The following ARHGAP15 variants were observed in gnomAD, a reference collection of about 807,000 sequenced individuals.
ARHGAP15 encodes the protein rho GTPase-activating protein 15.
In ARHGAP15, 51 loss-of-function variants were observed where a neutral mutation model predicts 63.7. That is an observed-to-expected ratio of 0.80 (90% CI 0.64 to 1.01). The LOEUF (loss-of-function observed/expected upper bound fraction) is 1.01. ARHGAP15 is among the 50% of genes least tolerant of loss of function. The pLI, the probability that ARHGAP15 is intolerant of heterozygous loss-of-function variation, is 0.00. For missense variants in ARHGAP15, 560 were observed against 564.6 expected, an observed-to-expected ratio of 0.99 and a Z score of 0.08; for synonymous variants, 191 against 193.8, an observed-to-expected ratio of 0.99 and a Z score of 0.12.
chr2:143,439,190 A>T (rs1689748798), intron 8 of ARHGAP15, among the ~76,000 whole-genome samples: 1 of 151,802 alleles, frequency 6.6e-6, no homozygotes, highest in Non-Finnish European at 1.5e-5. Context: ...TGGGAGGCCA[A>T]GGCGGGTGGA....
chr2:143,738,166 T>C (rs1685826605), intron 13 of ARHGAP15, among the ~76,000 whole-genome samples: 1 of 152,142 alleles, frequency 6.6e-6, no homozygotes, highest in Admixed American at 6.5e-5. Flanking sequence ...TAATATTCAC[T>C]AGCAGATGAA....
chr2:143,641,177 A>T (rs1276164385), intron 12 of ARHGAP15: 1 of 152,084 alleles, frequency 6.6e-6, no homozygotes, highest in African/African-American at 2.4e-5. Flanking sequence ...CAGATTGGGG[A>T]TTTCCCAATG....
chr2:143,533,146 GTGACAGGATGA>G (rs1694591960), intron 10 of ARHGAP15: 1 of 152,212 alleles, frequency 6.6e-6, no homozygotes, highest in South Asian at 2.1e-4. Context: ...ACTACCCTGA[GTGACAGGATGA>G]TGAGCAGGGG....
chr2:143,724,482 TAATC>T (rs1685196180), intron 13 of ARHGAP15, among the ~76,000 whole-genome samples: 1 of 152,198 alleles, frequency 6.6e-6, no homozygotes, highest in Non-Finnish European at 1.5e-5. Flanking sequence ...AAATTGTAAT[TAATC>T]CTTCCTCATA....
intron 2 of ARHGAP15, among the ~76,000 whole-genome samples, chr2:143,176,646 A>G (rs929597931): frequency 5.3e-5 from 8 of 152,204 alleles, no homozygotes; most frequent in Non-Finnish European, 1.0e-4. Flanking sequence ...GAACTAGTTT[A>G]GAAAAGAAAA....
chr2:143,232,579 T>C lies in ARHGAP15; in HGVS notation c.384+3911T>C, dbSNP rs564968954. Among the ~76,000 whole-genome samples, 4 of 152,330 alleles carry C rather than the reference T, an allele frequency of 2.6e-5. 1 individual carries two copies. The South Asian group carries it at 8.3e-4, about 32-fold the overall frequency. On this transcript the variant is annotated intron_variant, in intron 5 of 13. Transcript: ENST00000295095. ...ATAAAACATCTATGTGTATTTTTAA[T>C]AGGTATCAATCAATCACCTGCATAA... is the stretch of plus-strand genomic sequence containing the variant.
chr2:143,507,304 C>T (rs1404489995), intron 9 of ARHGAP15, among the ~76,000 whole-genome samples: 2 of 152,084 alleles, frequency 1.3e-5, no homozygotes, highest in Non-Finnish European at 2.9e-5. Context: ...AGACCAGATA[C>T]TATTTTACTG....
At chr2:143,503,213 T>C (rs929136359) in intron 9 of ARHGAP15, among the ~76,000 whole-genome samples, 2 of 152,220 alleles carry the variant, frequency 1.3e-5, no homozygotes, top group Admixed American at 1.3e-4. Flanking sequence ...ATTAGTTTTA[T>C]ATAATGTTTG....
At chr2:143,308,230 T>C (rs1041177589) in intron 6 of ARHGAP15, among the ~76,000 whole-genome samples, 7 of 152,012 alleles carry the variant, frequency 4.6e-5, no homozygotes, top group East Asian at 3.9e-4. Flanking sequence ...TTAAATCATA[T>C]CTAAGTAAAT....
At chr2:143,278,355 A>G (rs1235578460) in intron 6 of ARHGAP15, among the ~76,000 whole-genome samples, 1 of 152,162 alleles carries the variant, frequency 6.6e-6, no homozygotes, top group Non-Finnish European at 1.5e-5. Flanking sequence ...CTGGACTAGA[A>G]CTGATCACAT....
At chr2:143,535,916 G>A (rs529017323) in intron 10 of ARHGAP15, among the ~76,000 whole-genome samples, 30 of 151,962 alleles carry the variant, frequency 2.0e-4, no homozygotes, top group Middle Eastern at 3.4e-3. Context: ...TATATAAAAC[G>A]TCTTAGTTTT....
chr2:143,602,227 G>A (rs1178351099), intron 11 of ARHGAP15, among the ~76,000 whole-genome samples: 1 of 152,130 alleles, frequency 6.6e-6, no homozygotes, highest in East Asian at 1.9e-4. Context: ...AACTGGACAG[G>A]AAAAGGCAGA....
intron 13 of ARHGAP15, among the ~76,000 whole-genome samples, chr2:143,717,005 A>G (rs967619581): frequency 2.0e-5 from 3 of 152,214 alleles, no homozygotes; most frequent in Non-Finnish European, 4.4e-5. Context: ...TAAAAAGAAA[A>G]GTTTCATTTT....
chr2:143,336,009 A>AT (rs926332527), intron 6 of ARHGAP15, among the ~76,000 whole-genome samples: 6 of 137,260 alleles, frequency 4.4e-5, no homozygotes, highest in African/African-American at 7.7e-5. Flanking sequence ...TTTGTAGTTT[A>AT]TTTTTTTTGA....
chr2:143,374,134 G>A (rs7597018), intron 6 of ARHGAP15, among the ~76,000 whole-genome samples: 94,815 of 152,072 alleles, frequency 0.62, 30,201 homozygotes, highest in African/African-American at 0.74. Flanking sequence ...GTGCCGCAAC[G>A]TAAGTGGATG....
chr2:143,718,759 C>T (rs1684920973), intron 13 of ARHGAP15, among the ~76,000 whole-genome samples: 1 of 152,190 alleles, frequency 6.6e-6, no homozygotes. Flanking sequence ...AACATTGTTG[C>T]CTACATCATC....
At chr2:143,478,002 G>A (rs998759413) in intron 8 of ARHGAP15, among the ~76,000 whole-genome samples, 2 of 152,338 alleles carry the variant, frequency 1.3e-5, no homozygotes, top group South Asian at 2.1e-4. Flanking sequence ...TGTGAGGGCA[G>A]GGGTAAAACT....
intron 11 of ARHGAP15, among the ~76,000 whole-genome samples, chr2:143,601,267 C>T (rs904622570): frequency 2.0e-4 from 30 of 152,010 alleles, no homozygotes; most frequent in Non-Finnish European, 2.9e-5. Flanking sequence ...TTTAAAACGG[C>T]CTGTACTGAT....
chr2:143,545,753 T>A (rs968561443), intron 10 of ARHGAP15, among the ~76,000 whole-genome samples: 3 of 152,158 alleles, frequency 2.0e-5, no homozygotes, highest in Non-Finnish European at 4.4e-5. Flanking sequence ...ATTGGGATTT[T>A]TTTTTCCTAC....
Sources: allele counts gnomAD v4.1 joint callset (sites outside exome capture counted in the v4.1 genomes callset), GRCh38; gene constraint gnomAD v4.1.1; transcripts MANE v1.5; gene names NCBI Gene and HGNC (gene_info 2026-07-23, HGNC 2026-07-21).